The following DAGLA variants were observed in gnomAD, a reference collection of about 807,000 sequenced individuals.
DAGLA encodes diacylglycerol lipase alpha.
A neutral mutation model predicts 102.6 loss-of-function variants in DAGLA; 22 were observed. The ratio of observed to expected loss-of-function variants is 0.21; its 90% CI spans 0.15 to 0.31. The LOEUF (loss-of-function observed/expected upper bound fraction) is 0.31, where lower values mean the gene tolerates loss of function less well. DAGLA is among the 10% of genes least tolerant of loss of function. DAGLA has a pLI of 1.00. For synonymous variants in DAGLA, 578 were observed against 628.9 expected (o/e 0.92, Z 1.21); for missense variants, 927 against 1,446.6 (o/e 0.64, Z 5.83).
intron 9 of DAGLA, among the ~76,000 whole-genome samples, chr11:61,733,011 G>A (rs917141537): frequency 1.3e-5 from 2 of 152,208 alleles, no homozygotes; most frequent in African/African-American, 4.8e-5. Context: ...CACTGACTCA[G>A]AGGCAGCCCT....
intron 1 of DAGLA, among the ~76,000 whole-genome samples, chr11:61,715,628 A>G (rs1316546403): frequency 6.6e-6 from 1 of 152,174 alleles, no homozygotes; most frequent in East Asian, 1.9e-4. Flanking sequence ...CGGAGCACTC[A>G]TGGTGGGGGC....
chr11:61,743,393 T>C (rs2065499216), intron 19 of DAGLA, 139 bp from the exon 20 acceptor site: 1 of 581,518 alleles, frequency 1.7e-6, no homozygotes, highest in Admixed American at 2.8e-5. Flanking sequence ...AAAATAAGCA[T>C]TCCCTGCTGC....
At chr11:61,700,669 C>T (rs1018235608) in intron 1 of DAGLA, among the ~76,000 whole-genome samples, 3 of 152,202 alleles carry the variant, frequency 2.0e-5, no homozygotes, top group African/African-American at 7.2e-5. Context: ...CAAAGAGAGG[C>T]TTGCATTAGC....
chr11:61,701,955 T>A (rs1464514786), intron 1 of DAGLA, among the ~76,000 whole-genome samples: 3 of 152,072 alleles, frequency 2.0e-5, no homozygotes, highest in East Asian at 1.9e-4. Flanking sequence ...TTTTTTTTTT[T>A]AATAAAGACA....
intron 1 of DAGLA, among the ~76,000 whole-genome samples, chr11:61,688,516 A>G (rs1213499751): frequency 6.6e-6 from 1 of 152,084 alleles, no homozygotes; most frequent in Non-Finnish European, 1.5e-5. Flanking sequence ...TGTGGCCAGG[A>G]GTGGGGCGGG....
chr11:61,702,612 T>C (rs1299640470), intron 1 of DAGLA, among the ~76,000 whole-genome samples: 1 of 152,220 alleles, frequency 6.6e-6, no homozygotes, highest in Non-Finnish European at 1.5e-5. Context: ...TTCTCACTTA[T>C]AGCCAGGCCA....
Position 61,686,077 on chromosome 11 carries a change from C to A in DAGLA, c.-45+5573C>A, listed in dbSNP as rs1049971484. Reference sequence around the variant, plus strand: ...GGTATGGCAGCAGGGTACTGAGGGACAAGAGTAGGGGGTGCCCAGGTACAG... The same window carrying A: ...GGTATGGCAGCAGGGTACTGAGGGAAAAGAGTAGGGGGTGCCCAGGTACAG... On this transcript the variant is annotated intron_variant, in intron 1 of 19. Transcript: ENST00000257215. This position sits in a 1 kb window ranked among gnomAD's most constrained non-coding sequence, Gnocchi z 5.2. Among the ~76,000 whole-genome samples the A allele has an allele frequency of 2.0e-5, 3 of 152,042 alleles. No homozygotes were observed. The highest frequency in any genetic ancestry group is 4.4e-5 in the Non-Finnish European group (3 of 67,996).
rs763568505 is a variant in DAGLA at position 61,739,523 on chromosome 11, T to A, written c.1715T>A (p.Val572Glu). 3.7e-6 allele frequency: 6 copies of A among 1,613,836 alleles called. 1 individual carries two copies. In the South Asian group the frequency reaches 6.6e-5, roughly 18 times the overall value. The stretch of plus-strand genomic sequence containing the variant: ...CCCAAGTCGGAGCTGCCTGAGGAGG[T>A]AGAGGTGACCACCCTGGCCAGCACG... Reference protein sequence around the residue: ...CIPKSELPEEVEVTTLASTRL... With the variant: ...CIPKSELPEEEEVTTLASTRL... Residue 572 changes from valine to glutamate, a missense_variant, in exon 17 of 20, where the codon GTA (valine) becomes GAA (glutamate). Val to Glu is a moderately radical substitution (Grantham distance 121). Coordinates refer to ENST00000257215, the MANE Select transcript of DAGLA (RefSeq NM_006133.3).
chr11:61,700,892 G>A (rs903856152), intron 1 of DAGLA, among the ~76,000 whole-genome samples: 2 of 152,210 alleles, frequency 1.3e-5, no homozygotes, highest in African/African-American at 4.8e-5. Flanking sequence ...CCCCCTGCAT[G>A]TCACTCACAT....
At chr11:61,735,077 CA>C (rs755933777) in intron 10 of DAGLA, 75 bp downstream of exon 10, 187 of 1,526,106 alleles carry the variant, frequency 1.2e-4, no homozygotes, top group Non-Finnish European at 1.1e-4. Flanking sequence ...GCTATCCTTC[CA>C]GGCCGGCAGG....
At chr11:61,698,791 C>T (rs963978946) in intron 1 of DAGLA, among the ~76,000 whole-genome samples, 1 of 152,172 alleles carries the variant, frequency 6.6e-6, no homozygotes, top group Non-Finnish European at 1.5e-5. Flanking sequence ...TCCTGGAGCT[C>T]CCAGCCCAGT....
rs756043898 is a variant in DAGLA at position 61,722,899 on chromosome 11, C to T, written c.348C>T (p.Ile116=). Residue 116 remains isoleucine (I), a synonymous_variant, in exon 4 of 20, where the codon ATC becomes ATT. Transcript: ENST00000257215. ...VIEFIYAIVG[I]VWLTQYYTSC... ...AGTTCATCTACGCCATCGTGGGCAT[C>T]GTCTGGCTCACTCAGTACTACACCT... 3.1e-6 allele frequency: 5 copies of T among 1,614,164 alleles called. No homozygotes were observed. The highest frequency in any genetic ancestry group is 2.2e-5 in the East Asian group (1 of 44,876).
At chr11:61,693,230 C>T (rs948508685) in intron 1 of DAGLA, among the ~76,000 whole-genome samples, 3 of 149,792 alleles carry the variant, frequency 2.0e-5, no homozygotes, top group Admixed American at 6.6e-5. Flanking sequence ...TCCTGGACCT[C>T]AGGTGATCCA....
At position 61,696,251 on chromosome 11, in the gene DAGLA, T is replaced by C. The variant is rs528711874; in HGVS notation, c.-45+15747T>C. Among the ~76,000 whole-genome samples the C allele has an allele frequency of 6.1e-4, 93 of 152,314 alleles. 1 individual carries two copies. Among genetic ancestry groups the C allele is most frequent in the African/African-American group, 2.2e-3 (91 of 41,562 alleles). On this transcript the variant is annotated intron_variant, in intron 1 of 19. Coordinates refer to ENST00000257215, the MANE Select transcript of DAGLA (RefSeq NM_006133.3). The stretch of plus-strand genomic sequence containing the variant: ...GACTCACCCTCGGCCTGGCTGTGCC[T>C]CAGCCTAGGCATGAGTTCTCTGTGA...
chr11:61,719,543 G>A (rs751228300), intron 1 of DAGLA, among the ~76,000 whole-genome samples: 2 of 152,250 alleles, frequency 1.3e-5, no homozygotes, highest in Non-Finnish European at 2.9e-5. Context: ...AATACTTACT[G>A]AGCACCTGCT....
In DAGLA at chr11:61,744,157, C is replaced by T. The variant is rs2065513256; in HGVS notation, c.2797C>T (p.Leu933Phe). 3.1e-6 allele frequency: 5 copies of T among 1,613,100 alleles called. No individual in the cohort carries two copies. Among genetic ancestry groups the T allele is most frequent in the Non-Finnish European group, 4.2e-6 (5 of 1,179,992 alleles). Reference sequence around the variant, plus strand: ...CAGCAAGAGCAGCTCCTTCCAAGACCTCTACTGCATGGTGGTGCCCGAGAG... The same window carrying T: ...CAGCAAGAGCAGCTCCTTCCAAGACTTCTACTGCATGGTGGTGCCCGAGAG... ...LDSKSSSFQDLYCMVVPESPT... is the reference protein window; with the variant it reads ...LDSKSSSFQDFYCMVVPESPT... Residue 933 changes from leucine (L) to phenylalanine (F), a missense_variant, in exon 20 of 20, where the codon CTC (leucine) becomes TTC (phenylalanine). Physicochemically the swap from Leu to Phe is conservative, Grantham distance 22. Transcript: ENST00000257215.
chr11:61,739,385 C>A (rs1259845148), intron 16 of DAGLA, 80 bp from the exon 17 acceptor site: 1 of 1,400,688 alleles, frequency 7.1e-7, no homozygotes, highest in Non-Finnish European at 9.8e-7. Flanking sequence ...GCTGAGCCCC[C>A]CTTCTCGGTC....
intron 16 of DAGLA, 90 bp from the exon 17 acceptor site, chr11:61,739,375 G>C: frequency 7.6e-7 from 1 of 1,321,418 alleles, no homozygotes; most frequent in Non-Finnish European, 1.0e-6. Flanking sequence ...CCTCTCACCT[G>C]CTGAGCCCCC....
rs940062820 is a variant in DAGLA at position 61,684,828 on chromosome 11, G to A, written c.-45+4324G>A. Among the ~76,000 whole-genome samples, 3 of 152,250 alleles carry A rather than the reference G, an allele frequency of 2.0e-5. No homozygotes were observed. The highest frequency in any genetic ancestry group is 2.9e-5 in the Non-Finnish European group (2 of 68,004). On this transcript the variant is annotated intron_variant, in intron 1 of 19. Transcript: ENST00000257215. This position sits in a 1 kb window ranked among gnomAD's most constrained non-coding sequence, Gnocchi z 4.5. ...TGTTGGTGGGTGTGCGGAGCTGGGG[G>A]TTGCCGGGCTCTTCACAGCAGGAGG... is the stretch of plus-strand genomic sequence containing the variant.
Sources: allele counts gnomAD v4.1 joint callset (sites outside exome capture counted in the v4.1 genomes callset), GRCh38; gene constraint gnomAD v4.1.1; non-coding constraint Gnocchi (gnomAD v3.1); transcripts MANE v1.5; gene names NCBI Gene and HGNC (gene_info 2026-07-23, HGNC 2026-07-21).